The following CWF19L1 variants were observed in gnomAD, a reference collection of about 807,000 sequenced individuals.
The protein encoded by CWF19L1 is CWF19 like cell cycle control factor 1, also known as CWF19-like protein 1.
In CWF19L1, 60 loss-of-function variants were observed where a neutral mutation model predicts 69.7. The ratio of observed to expected loss-of-function variants is 0.86; its 90% CI spans 0.70 to 1.07. The LOEUF is 1.07. Ranked by LOEUF, CWF19L1 falls within the 50% of genes least tolerant of loss-of-function variation. CWF19L1 has a pLI of 0.00. For synonymous variants in CWF19L1, 209 were observed against 222.2 expected (o/e 0.94, Z 0.53); for missense variants, 591 against 638.9 (o/e 0.92, Z 0.81).
At chr10:100,239,905 T>C (rs2134280718) in intron 10 of CWF19L1, among the ~76,000 whole-genome samples, 1 of 152,260 alleles carries the variant, frequency 6.6e-6, no homozygotes. Context: ...AATAACCACT[T>C]TATATTGTAT....
At chr10:100,265,525 CTTTTTTT>C (rs35773155) in intron 1 of CWF19L1, among the ~76,000 whole-genome samples, 9 of 121,022 alleles carry the variant, frequency 7.4e-5, no homozygotes, top group Admixed American at 4.2e-4. Flanking sequence ...TTTTCTTTTT[CTTTTTTT>C]TTTTTTTTGA....
chr10:100,260,353 T>C (rs368471876), intron 3 of CWF19L1, 34 bp from the exon 4 acceptor site: 1 of 1,205,478 alleles, frequency 8.3e-7, no homozygotes, highest in South Asian at 1.3e-5. Flanking sequence ...ACCATATAGT[T>C]ACCAGATCTG....
At chr10:100,252,767 C>T (rs1228159452) in intron 6 of CWF19L1, among the ~76,000 whole-genome samples, 5 of 149,286 alleles carry the variant, frequency 3.3e-5, no homozygotes, top group Admixed American at 6.7e-5. Flanking sequence ...ACCCAGGAGG[C>T]GGAGGTTGCA....
At chr10:100,240,622 C>A (rs1846605593) in intron 10 of CWF19L1, among the ~76,000 whole-genome samples, 1 of 152,084 alleles carries the variant, frequency 6.6e-6, no homozygotes, top group Admixed American at 6.6e-5. Flanking sequence ...GTAACCTGGA[C>A]AATAGAAAGA....
At position 100,259,150 on chromosome 10, in the gene CWF19L1, G is replaced by A. The variant is rs192883862; in HGVS notation, c.289+1068C>T. ...AGGGAGTCGGATGTTGCAGTAAGCC[G>A]AGATCATGCCACTGCACTCCAGCCT... On this transcript the variant is annotated intron_variant, in intron 4 of 13. Transcript: ENST00000354105. 1.6e-3 allele frequency among the ~76,000 whole-genome samples: 238 copies of A among 150,064 alleles called. 1 individual carries two copies. In the Middle Eastern group the frequency reaches 0.027, roughly 17 times the overall value.
chr10:100,257,854 C>T (rs1847266694), intron 4 of CWF19L1, among the ~76,000 whole-genome samples: 1 of 152,068 alleles, frequency 6.6e-6, no homozygotes, highest in South Asian at 2.1e-4. Flanking sequence ...TGTATTTCTT[C>T]CTTAATAATT....
chr10:100,237,102 GACAA>G, intron 11 of CWF19L1, 133 bp from the exon 12 acceptor site: 3 of 1,115,384 alleles, frequency 2.7e-6, no homozygotes, highest in Non-Finnish European at 4.0e-6. Flanking sequence ...CCTCAGGCCA[GACAA>G]GCCTGTGTCA....
intron 10 of CWF19L1, among the ~76,000 whole-genome samples, chr10:100,239,801 C>G (rs1329186202): frequency 6.6e-6 from 1 of 152,170 alleles, no homozygotes; most frequent in Admixed American, 6.5e-5. Context: ...ATTTGTTTGG[C>G]AGAGAGGACT....
chr10:100,248,534 G>A (rs1564855769), intron 7 of CWF19L1: 6 of 705,962 alleles, frequency 8.5e-6, no homozygotes, highest in East Asian at 5.0e-5. Context: ...TCAACATCAC[G>A]GTGCACATGG....
chr10:100,232,662 C>T lies in CWF19L1; in HGVS notation c.*565G>A, dbSNP rs1264932484. 1 of 152,332 alleles carries T rather than the reference C, an allele frequency of 6.6e-6. No individual in the cohort carries two copies. The highest frequency in any genetic ancestry group is 1.5e-5 in the Non-Finnish European group (1 of 68,124). The allele number at this position is 152,332 out of a possible 1,614,324, so 9.4% of individuals were successfully genotyped here. ...TCCTCACCTCAGGTGATCCACCTGC[C>T]TCGGCTTCCCAAAGTACTGGGATTA... On this transcript the variant is annotated 3_prime_UTR_variant, in exon 14 of 14. Coordinates refer to ENST00000354105, the MANE Select transcript of CWF19L1 (RefSeq NM_018294.6).
At position 100,245,025 on chromosome 10, in the gene CWF19L1, C is replaced by CT. The variant is rs5787375; in HGVS notation, c.964+773dup. The stretch of plus-strand genomic sequence containing the variant: ...TCTGAAGCTATAAAAAGAATATCAA[C>CT]TTTTTTTTTTTTTTTGAGATGGAGT... On this transcript the variant is annotated intron_variant, in intron 9 of 13. Transcript: ENST00000354105. Among the ~76,000 whole-genome samples, 542 of 142,738 alleles carry CT rather than the reference C, an allele frequency of 3.8e-3. 3 individuals carry two copies. Among genetic ancestry groups the CT allele is most frequent in the African/African-American group, 9.8e-3 (380 of 38,834 alleles). 93.6% of individuals were successfully genotyped at this position (142,738 alleles called of 152,430 possible). A position where few individuals can be genotyped will look rare whatever the true frequency, so the allele number is the denominator to read the frequency against.
intron 10 of CWF19L1, among the ~76,000 whole-genome samples, chr10:100,242,453 C>A (rs1846667343): frequency 6.6e-6 from 1 of 152,180 alleles, no homozygotes; most frequent in African/African-American, 2.4e-5. Context: ...GCGGGCAGAT[C>A]ACCTGAGGTC....
chr10:100,260,488 C>T (rs1332313111), intron 3 of CWF19L1, among the ~76,000 whole-genome samples, 169 bp from the exon 4 acceptor site: 1 of 152,086 alleles, frequency 6.6e-6, no homozygotes, highest in Non-Finnish European at 1.5e-5. Flanking sequence ...TAAGGATATA[C>T]TACACCCAAC....
intron 7 of CWF19L1, chr10:100,248,824 C>A: frequency 7.4e-7 from 1 of 1,356,174 alleles, no homozygotes; most frequent in Non-Finnish European, 1.0e-6. Context: ...ACAGGTGGCT[C>A]AGCGGGAAGC....
intron 7 of CWF19L1, 120 bp downstream of exon 7, chr10:100,250,128 G>A (rs552023732): frequency 5.3e-5 from 39 of 741,520 alleles, no homozygotes; most frequent in Middle Eastern, 2.3e-4. Flanking sequence ...AGGAGTCTCC[G>A]AAACTGCTGA....
chr10:100,252,348 TGG>T, intron 6 of CWF19L1, among the ~76,000 whole-genome samples: 1 of 151,994 alleles, frequency 6.6e-6, no homozygotes, highest in Non-Finnish European at 1.5e-5. Flanking sequence ...GGCAGGAGAA[TGG>T]CATGAACCTG....
intron 1 of CWF19L1, among the ~76,000 whole-genome samples, chr10:100,266,557 T>C (rs1847592595): frequency 6.6e-6 from 1 of 151,424 alleles, no homozygotes; most frequent in Non-Finnish European, 1.5e-5. Flanking sequence ...CTCTGTTACC[T>C]AGGCTGGAGT....
Position 100,250,238 on chromosome 10 carries a change from A to G in CWF19L1, c.708+10T>C, listed in dbSNP as rs777187419. ...AATATCAACCTTCCACCAAATAGGT[A>G]AATCTTTACCTTTTTCTTTTCTGGA... On this transcript the variant is annotated intron_variant, in intron 7 of 13. Coordinates refer to ENST00000354105, the MANE Select transcript of CWF19L1 (RefSeq NM_018294.6). The G allele has an allele frequency of 4.4e-6, 7 of 1,573,202 alleles. No homozygotes were observed.
chr10:100,248,718 TAC>T (rs1846917330), intron 7 of CWF19L1: 5 of 1,135,214 alleles, frequency 4.4e-6, no homozygotes, highest in Non-Finnish European at 6.6e-6. Flanking sequence ...GCAACGACCT[TAC>T]AGAGCAAGCA....
Sources: gnomAD v4.1 joint callset for allele counts (sites outside exome capture counted in the v4.1 genomes callset) on GRCh38, gnomAD v4.1.1 for gene constraint, MANE v1.5 for transcripts, NCBI Gene and HGNC (gene_info 2026-07-23, HGNC 2026-07-21) for gene names.